CMSS1: variants seen among roughly 807,000 people sequenced by gnomAD.
CMSS1 encodes cms1 ribosomal small subunit homolog.
A neutral mutation model predicts 43.5 loss-of-function variants in CMSS1; 33 were observed. The ratio of observed to expected loss-of-function variants is 0.76; its 90% confidence interval spans 0.57 to 1.01. CMSS1 has a LOEUF of 1.01. CMSS1 is among the 50% of genes least tolerant of loss of function. The probability of loss-of-function intolerance (pLI) is 0.00; values close to 1 mark genes in which losing one functional copy is unlikely to be tolerated. For synonymous variants in CMSS1, 115 were observed against 117.2 expected (o/e 0.98, Z 0.12); for missense variants, 313 against 326.4 (o/e 0.96, Z 0.32).
chr3:100,163,897 C>T (rs572514383), intron 4 of CMSS1, among the ~76,000 whole-genome samples: 1 of 151,502 alleles, frequency 6.6e-6, no homozygotes, highest in African/African-American at 2.4e-5. Flanking sequence ...GCTTGATTTC[C>T]GTTTTCCATT....
At chr3:99,874,023 T>G (rs1178897276) in intron 1 of CMSS1, among the ~76,000 whole-genome samples, 1 of 152,244 alleles carries the variant, frequency 6.6e-6, no homozygotes, top group African/African-American at 2.4e-5. Flanking sequence ...CAGTGTGAGA[T>G]AGGGTATCCA....
intron 1 of CMSS1, among the ~76,000 whole-genome samples, chr3:99,940,242 A>ATTTTT (rs1449861585): frequency 6.6e-6 from 1 of 152,210 alleles, no homozygotes; most frequent in Non-Finnish European, 1.5e-5. Context: ...AAAGGAAATT[A>ATTTTT]TTTTTATGTA....
chr3:99,943,150 A>C (rs749677478), intron 1 of CMSS1, among the ~76,000 whole-genome samples: 1 of 152,210 alleles, frequency 6.6e-6, no homozygotes, highest in Non-Finnish European at 1.5e-5. Flanking sequence ...TGATAACAAG[A>C]ACAGGTTCCT....
At chr3:100,148,221 G>A (rs931410663) in intron 2 of CMSS1, among the ~76,000 whole-genome samples, 1 of 152,036 alleles carries the variant, frequency 6.6e-6, no homozygotes, top group Non-Finnish European at 1.5e-5. Flanking sequence ...TGGGACTATC[G>A]ATGTGCACCA....
chr3:100,139,636 C>T (rs1201335216), intron 1 of CMSS1, among the ~76,000 whole-genome samples: 1 of 149,096 alleles, frequency 6.7e-6, no homozygotes, highest in Non-Finnish European at 1.5e-5. Context: ...TATATACACA[C>T]ACACACAAAA....
intron 1 of CMSS1, among the ~76,000 whole-genome samples, chr3:100,054,490 T>TTGTTTTGTTA: frequency 6.8e-6 from 1 of 146,186 alleles, no homozygotes; most frequent in East Asian, 2.0e-4. Flanking sequence ...ATGTTATGTT[T>TTGTTTTGTTA]TGTTATGTTA....
At chr3:100,081,548 A>T (rs2065932172) in intron 1 of CMSS1, among the ~76,000 whole-genome samples, 1 of 152,180 alleles carries the variant, frequency 6.6e-6, no homozygotes, top group Non-Finnish European at 1.5e-5. Flanking sequence ...ACTCATGAAG[A>T]TTCTTTGGTT....
chr3:99,977,989 T>C (rs1034326154), intron 1 of CMSS1, among the ~76,000 whole-genome samples: 1 of 152,204 alleles, frequency 6.6e-6, no homozygotes, highest in Non-Finnish European at 1.5e-5. Flanking sequence ...GATGGTCCTC[T>C]TTAAGATTAA....
chr3:100,014,330 T>G (rs1401833431), intron 1 of CMSS1, among the ~76,000 whole-genome samples: 1 of 152,138 alleles, frequency 6.6e-6, no homozygotes, highest in African/African-American at 2.4e-5. Flanking sequence ...TTCAAGATAC[T>G]TATTTCATTT....
chr3:100,064,986 G>A (rs942526166), intron 1 of CMSS1, among the ~76,000 whole-genome samples: 11 of 152,194 alleles, frequency 7.2e-5, no homozygotes, highest in African/African-American at 2.7e-4. Context: ...ACACATGTGT[G>A]TGTAACAAAA....
intron 1 of CMSS1, among the ~76,000 whole-genome samples, chr3:99,989,581 G>A (rs1709451225): frequency 6.6e-6 from 1 of 151,626 alleles, no homozygotes; most frequent in Non-Finnish European, 1.5e-5. Context: ...AAGCTACTCT[G>A]ACTTTATTTT....
intron 1 of CMSS1, among the ~76,000 whole-genome samples, chr3:99,981,358 C>T (rs577176786): frequency 4.6e-4 from 70 of 152,248 alleles, no homozygotes; most frequent in African/African-American, 1.6e-3. Context: ...AGAGTCAGGC[C>T]CTCCACCCAT....
In CMSS1 at chr3:99,848,202, T is replaced by G. The variant is rs889750056; in HGVS notation, c.64+30159T>G. On this transcript the variant is annotated intron_variant, in intron 1 of 9. Coordinates refer to ENST00000421999, the MANE Select transcript of CMSS1 (RefSeq NM_032359.4). ...CGAGTTCAGTCAGTCTTGGGGGATA[T>G]GGAGGGATGATTAAAAAAGGATTGA... The G allele has an allele frequency of 8.9e-6, 14 of 1,566,136 alleles. No individual in the cohort carries two copies. In the African/African-American group the frequency reaches 1.9e-4, roughly 21 times the overall value.
intron 1 of CMSS1, among the ~76,000 whole-genome samples, chr3:100,056,901 G>A (rs979493700): frequency 6.6e-6 from 1 of 152,172 alleles, no homozygotes; most frequent in Non-Finnish European, 1.5e-5. Context: ...CTACTCGGGA[G>A]GCTGAGGCAG....
At chr3:100,060,861 C>T (rs749122148) in intron 1 of CMSS1, among the ~76,000 whole-genome samples, 8 of 151,802 alleles carry the variant, frequency 5.3e-5, no homozygotes, top group Admixed American at 2.0e-4. Context: ...GATCTTGTCT[C>T]GAAAAAATAA....
At chr3:100,072,655 T>C (rs1454523540) in intron 1 of CMSS1, among the ~76,000 whole-genome samples, 1 of 152,228 alleles carries the variant, frequency 6.6e-6, no homozygotes, top group Non-Finnish European at 1.5e-5. Flanking sequence ...GAAATCTTTA[T>C]TGCCTTCCAG....
intron 8 of CMSS1, 98 bp from the exon 9 acceptor site, chr3:100,176,229 C>A: frequency 1.3e-6 from 1 of 788,148 alleles, no homozygotes; most frequent in Non-Finnish European, 2.1e-6. Context: ...GAGAGGACAA[C>A]ATATGAGACA....
intron 1 of CMSS1, among the ~76,000 whole-genome samples, chr3:100,123,631 A>G (rs946492581): frequency 2.6e-5 from 4 of 152,206 alleles, no homozygotes; most frequent in Non-Finnish European, 5.9e-5. Flanking sequence ...GACCCAAGGA[A>G]AATGACCTGG....
intron 1 of CMSS1, among the ~76,000 whole-genome samples, chr3:99,886,453 A>C (rs1215547875): frequency 3.9e-5 from 6 of 152,190 alleles, no homozygotes; most frequent in Admixed American, 6.5e-5. Context: ...ATGTTTTAAG[A>C]AAGTTTATGA....
Sources: allele counts gnomAD v4.1 joint callset (sites outside exome capture counted in the v4.1 genomes callset), GRCh38; gene constraint gnomAD v4.1.1; transcripts MANE v1.5; gene names NCBI Gene and HGNC (gene_info 2026-07-23, HGNC 2026-07-21).